The following GRID2 variants were observed in gnomAD, a reference collection of about 807,000 sequenced individuals.
The protein encoded by GRID2 is glutamate ionotropic receptor delta type subunit 2.
In GRID2, 33 loss-of-function variants were observed where a neutral mutation model predicts 114.8. The ratio of observed to expected loss-of-function variants is 0.29; its 90% CI spans 0.22 to 0.38. GRID2 has a LOEUF of 0.38. Among genes scored for constraint, GRID2 ranks in the 10% least tolerant of loss-of-function variants. The pLI is 1.00. For synonymous variants in GRID2, 505 were observed against 449.9 expected (o/e 1.12, Z -1.55); for missense variants, 1,184 against 1,257.7 (o/e 0.94, Z 0.89).
At chr4:92,695,705 A>G (rs191361847) in intron 2 of GRID2, among the ~76,000 whole-genome samples, 39 of 152,216 alleles carry the variant, frequency 2.6e-4, no homozygotes, top group African/African-American at 4.8e-5. Flanking sequence ...CTCTTTTCCT[A>G]TGTTCATTGG....
At chr4:92,436,035 G>A (rs552576216) in intron 1 of GRID2, among the ~76,000 whole-genome samples, 3 of 152,236 alleles carry the variant, frequency 2.0e-5, no homozygotes, top group East Asian at 3.9e-4. Context: ...GACTTCACAA[G>A]GAAGTTTTGT....
intron 2 of GRID2, among the ~76,000 whole-genome samples, chr4:92,722,348 C>A (rs1382879134): frequency 1.3e-5 from 2 of 151,968 alleles, no homozygotes. Flanking sequence ...CAGCAGAGCC[C>A]AGAGAAAAGC....
chr4:92,709,056 C>T (rs1735088933), intron 2 of GRID2, among the ~76,000 whole-genome samples: 1 of 152,106 alleles, frequency 6.6e-6, no homozygotes, highest in Non-Finnish European at 1.5e-5. Context: ...ATAGAAGGAG[C>T]CTGAGTCCTG....
At chr4:92,707,314 T>A (rs1460162725) in intron 2 of GRID2, among the ~76,000 whole-genome samples, 5 of 152,144 alleles carry the variant, frequency 3.3e-5, no homozygotes, top group African/African-American at 1.2e-4. Flanking sequence ...AATATATAGA[T>A]TCTGAAAACA....
chr4:93,016,753 T>A (rs1578759320), intron 2 of GRID2, among the ~76,000 whole-genome samples: 1 of 152,104 alleles, frequency 6.6e-6, no homozygotes, highest in Non-Finnish European at 1.5e-5. Context: ...AAAGAAAAGA[T>A]AAATGAAGAC....
chr4:92,873,801 A>C (rs1306601328), intron 2 of GRID2, among the ~76,000 whole-genome samples: 2 of 151,672 alleles, frequency 1.3e-5, no homozygotes, highest in Non-Finnish European at 1.5e-5. Context: ...CGCAACTTCC[A>C]CCTCCTGGGT....
chr4:92,967,106 C>A (rs1404642172), intron 2 of GRID2, among the ~76,000 whole-genome samples: 1 of 151,972 alleles, frequency 6.6e-6, no homozygotes, highest in African/African-American at 2.4e-5. Context: ...AGGCAACAAA[C>A]TGATAAGGGA....
Position 92,343,843 on chromosome 4 carries a change from G to T in GRID2, c.88+39099G>T, listed in dbSNP as rs912068219. ...CCAGTCTTGGCCTCCCAAAGTGCTG[G>T]AATTATAGGCGTGAGCCAGTGCTCC... On this transcript the variant is annotated intron_variant, in intron 1 of 15. Coordinates refer to ENST00000282020, the MANE Select transcript of GRID2 (RefSeq NM_001510.4). Among the ~76,000 whole-genome samples the T allele has an allele frequency of 2.2e-4, 33 of 152,302 alleles. 1 individual carries two copies. The highest frequency in any genetic ancestry group is 7.5e-4 in the African/African-American group (31 of 41,576).
At chr4:93,575,688 T>C (rs1736355989) in intron 13 of GRID2, among the ~76,000 whole-genome samples, 2 of 152,170 alleles carry the variant, frequency 1.3e-5, no homozygotes, top group Non-Finnish European at 2.9e-5. Flanking sequence ...ATGTTAGTGT[T>C]ATATTTTACT....
intron 11 of GRID2, among the ~76,000 whole-genome samples, chr4:93,485,131 G>T (rs947077318): frequency 6.6e-6 from 1 of 151,648 alleles, no homozygotes; most frequent in African/African-American, 2.4e-5. Context: ...CTGTGGAGTG[G>T]TATTTTTTTA....
chr4:93,221,362 T>C (rs1342822190), intron 6 of GRID2, among the ~76,000 whole-genome samples: 3 of 152,110 alleles, frequency 2.0e-5, no homozygotes, highest in Admixed American at 6.6e-5. Flanking sequence ...GTGTCAAATA[T>C]TGAAAGCTTG....
rs192866617 is a variant in GRID2 at position 93,756,606 on chromosome 4, C to T, written c.2361-12604C>T. Reference sequence around the variant, plus strand: ...TGTCTCTTCTGATAAGAGCACTGGTCCCTTCAAATCAGGTCCCCATTCTCC... The same window carrying T: ...TGTCTCTTCTGATAAGAGCACTGGTTCCTTCAAATCAGGTCCCCATTCTCC... On this transcript the variant is annotated intron_variant, in intron 14 of 15. Transcript: ENST00000282020. Among the ~76,000 whole-genome samples the T allele has an allele frequency of 1.8e-3, 278 of 152,222 alleles. 5 individuals carry two copies. Among genetic ancestry groups the T allele is most frequent in the Non-Finnish European group, 4.3e-4 (29 of 68,020 alleles).
chr4:92,764,181 G>A (rs1328795712), intron 2 of GRID2, among the ~76,000 whole-genome samples: 1 of 152,204 alleles, frequency 6.6e-6, no homozygotes, highest in Non-Finnish European at 1.5e-5. Flanking sequence ...CACCACTGGC[G>A]AGAATTCAGT....
intron 14 of GRID2, among the ~76,000 whole-genome samples, chr4:93,715,043 C>T (rs1728791558): frequency 1.3e-5 from 2 of 152,112 alleles, no homozygotes; most frequent in South Asian, 4.1e-4. Context: ...AGATTTTCTT[C>T]TAGAGTTTTT....
At chr4:93,697,679 C>T (rs1373483253) in intron 14 of GRID2, among the ~76,000 whole-genome samples, 1 of 151,670 alleles carries the variant, frequency 6.6e-6, no homozygotes, top group East Asian at 1.9e-4. Flanking sequence ...TACAAAATTT[C>T]AAAATTTCAA....
chr4:92,832,669 C>A (rs188207493), intron 2 of GRID2, among the ~76,000 whole-genome samples: 44 of 152,204 alleles, frequency 2.9e-4, no homozygotes, highest in African/African-American at 9.6e-4. Flanking sequence ...GCTGGGATCA[C>A]AAGGGTGAAG....
chr4:92,317,697 T>G (rs1006978637), intron 1 of GRID2, among the ~76,000 whole-genome samples: 1 of 152,196 alleles, frequency 6.6e-6, no homozygotes, highest in Non-Finnish European at 1.5e-5. Flanking sequence ...AATAGTTTTA[T>G]TTTCTCAAAA....
At chr4:93,307,179 G>A (rs1295291065) in intron 8 of GRID2, among the ~76,000 whole-genome samples, 2 of 150,292 alleles carry the variant, frequency 1.3e-5, no homozygotes, top group African/African-American at 4.9e-5. Flanking sequence ...TCCAGCCTGG[G>A]CTACAGAGCG....
chr4:92,937,367 T>G (rs1009538084), intron 2 of GRID2, among the ~76,000 whole-genome samples: 1 of 146,726 alleles, frequency 6.8e-6, no homozygotes, highest in South Asian at 2.3e-4. Context: ...ATTATTTATA[T>G]GATGTGAGGT....
Sources: allele counts gnomAD v4.1 joint callset (sites outside exome capture counted in the v4.1 genomes callset), GRCh38; gene constraint gnomAD v4.1.1; transcripts MANE v1.5; gene names NCBI Gene and HGNC (gene_info 2026-07-23, HGNC 2026-07-21).